Variants in RGMA observed in about 807,000 individuals in gnomAD.
RGMA encodes the protein repulsive guidance molecule BMP co-receptor a.
RGMA carries 10 observed loss-of-function variants against 23.2 expected under a neutral mutation model. The ratio of observed to expected loss-of-function variants is 0.43; its 90% CI spans 0.27 to 0.73. The LOEUF is 0.73. Ranked by LOEUF, RGMA falls within the 30% of genes least tolerant of loss-of-function variation. The pLI is 0.20. For synonymous variants in RGMA, 308 were observed against 279.3 expected (o/e 1.10, Z -1.03); for missense variants, 547 against 630.5 (o/e 0.87, Z 1.42).
At chr15:93,065,707 C>A in intron 2 of RGMA, 2 of 1,197,046 alleles carry the variant, frequency 1.7e-6, no homozygotes, top group Non-Finnish European at 2.4e-6. Context: ...GTTTCGTGGG[C>A]CCTGGGGCTC....
chr15:93,088,612 A>T, intron 1 of RGMA: 1 of 1,045,566 alleles, frequency 9.6e-7, no homozygotes, highest in Non-Finnish European at 1.2e-6. Flanking sequence ...AGCCGGGCTG[A>T]GGGAAGGAGC....
rs578098989 is a variant in RGMA at position 93,083,102 on chromosome 15, A to C, written c.14+5817T>G. 2.0e-5 allele frequency among the ~76,000 whole-genome samples: 3 copies of C among 152,360 alleles called. No homozygotes were observed. In the South Asian group the frequency reaches 6.2e-4, roughly 32 times the overall value. On this transcript the variant is annotated intron_variant, in intron 1 of 3. Transcript: ENST00000329082. ...GCCAGTATGTTCTCCACCAGGCCTGAAGTCAGGAGACCCTGCCAACAGCAT... is the reference window on the plus strand; with the variant it reads ...GCCAGTATGTTCTCCACCAGGCCTGCAGTCAGGAGACCCTGCCAACAGCAT...
At position 93,038,540 on chromosome 15, in the gene RGMA, C is replaced by G. The variant is rs546241704; in HGVS notation, c.*6458G>C. On this transcript the variant is annotated 3_prime_UTR_variant, in exon 4 of 4. Coordinates refer to ENST00000329082, the MANE Select transcript of RGMA (RefSeq NM_020211.3). ...TGGCATGCAGGAGCTGCCCCATGGA[C>G]ATTGCCTTAATGAACGAAACTGTTA... 2.7e-4 allele frequency: 39 copies of G among 142,458 alleles called. No homozygotes were observed. Among genetic ancestry groups the G allele is most frequent in the African/African-American group, 9.5e-4 (38 of 39,794 alleles). 8.8% of individuals were successfully genotyped at this position (142,458 alleles called of 1,614,324 possible).
intron 2 of RGMA, among the ~76,000 whole-genome samples, chr15:93,064,455 C>T (rs1298042533): frequency 6.6e-6 from 1 of 152,246 alleles, no homozygotes; most frequent in African/African-American, 2.4e-5. Flanking sequence ...GTCTAAATGC[C>T]TTTGAAGTGG....
At position 93,039,979 on chromosome 15, in the gene RGMA, CAG is replaced by C. The variant is rs998856940; in HGVS notation, c.*5017_*5018del. ...ATCCCAGCACTTTGGGAGGCTGAAA[CAG>C]ACGTCTCGCTTGAGCCCAGGAGTTC... On this transcript the variant is annotated 3_prime_UTR_variant, in exon 4 of 4. Coordinates refer to ENST00000329082, the MANE Select transcript of RGMA (RefSeq NM_020211.3). 1.3e-5 allele frequency: 2 copies of C among 152,242 alleles called. No homozygotes were observed. Among genetic ancestry groups the C allele is most frequent in the African/African-American group, 4.8e-5 (2 of 41,448 alleles). 9.4% of individuals were successfully genotyped at this position (152,242 alleles called of 1,614,324 possible). A position where few individuals can be genotyped will look rare whatever the true frequency, so the allele number is the denominator to read the frequency against.
chr15:93,055,002 A>G (rs1408776279), intron 2 of RGMA, among the ~76,000 whole-genome samples: 1 of 152,138 alleles, frequency 6.6e-6, no homozygotes, highest in African/African-American at 2.4e-5. Flanking sequence ...GCTACGCAGA[A>G]CAAGCGTTTG....
chr15:93,048,380 C>T (rs941438138), intron 3 of RGMA, among the ~76,000 whole-genome samples: 4 of 152,108 alleles, frequency 2.6e-5, no homozygotes, highest in African/African-American at 7.2e-5. Flanking sequence ...CAAGAAATGG[C>T]GGTCTTCTCA....
intron 2 of RGMA, among the ~76,000 whole-genome samples, chr15:93,058,332 G>A (rs1460518358): frequency 5.9e-5 from 9 of 152,234 alleles, no homozygotes; most frequent in Admixed American, 2.0e-4. Flanking sequence ...CTCCAGAGCT[G>A]TGTGACTGTG....
At chr15:93,048,559 A>G (rs1478666605) in intron 3 of RGMA, among the ~76,000 whole-genome samples, 1 of 152,082 alleles carries the variant, frequency 6.6e-6, no homozygotes, top group Non-Finnish European at 1.5e-5. Context: ...CAGGGGTCCC[A>G]GCCTGGCCGC....
intron 1 of RGMA, among the ~76,000 whole-genome samples, chr15:93,086,315 C>G (rs11074139): frequency 0.2 from 30,400 of 152,106 alleles, 4,084 homozygotes; most frequent in East Asian, 0.48. Context: ...AATTTGCCTG[C>G]GCTGCTTTCA....
In RGMA at chr15:93,041,481, T is replaced by C. The variant is rs2054723188; in HGVS notation, c.*3517A>G. ...TTTCCATGCTCGTGAGGGCAACCAG[T>C]AGTAAGTAGCATGGCACTTGGGAAA... is the stretch of plus-strand genomic sequence containing the variant. On this transcript the variant is annotated 3_prime_UTR_variant, in exon 4 of 4. Transcript: ENST00000329082. 6.6e-6 allele frequency: 1 copy of C among 152,146 alleles called. No homozygotes were observed. Among genetic ancestry groups the C allele is most frequent in the East Asian group, 1.9e-4 (1 of 5,194 alleles). The allele number at this position is 152,146 out of a possible 1,614,324, so 9.4% of individuals were successfully genotyped here.
chr15:93,056,532 C>CTT (rs1047712038), intron 2 of RGMA, among the ~76,000 whole-genome samples: 1 of 152,192 alleles, frequency 6.6e-6, no homozygotes, highest in African/African-American at 2.4e-5. Context: ...GCCTGCCACT[C>CTT]AAAGATGGTG....
intron 3 of RGMA, among the ~76,000 whole-genome samples, chr15:93,050,041 T>C (rs1384513330): frequency 6.6e-6 from 1 of 152,224 alleles, no homozygotes; most frequent in African/African-American, 2.4e-5. Flanking sequence ...ATCCGGAAAC[T>C]TGCGCTGTGC....
chr15:93,088,281 C>A, intron 1 of RGMA: 1 of 985,508 alleles, frequency 1.0e-6, no homozygotes, highest in Non-Finnish European at 1.2e-6. Context: ...GGGCTTGTAC[C>A]CTGGGTTGAG....
chr15:93,081,169 A>G (rs1407096760), intron 1 of RGMA, among the ~76,000 whole-genome samples: 2 of 151,894 alleles, frequency 1.3e-5, no homozygotes, highest in Non-Finnish European at 2.9e-5. Flanking sequence ...CAGCTTCTCA[A>G]TCTGCAGAAT....
chr15:93,076,904 T>C (rs1895481503), intron 1 of RGMA, among the ~76,000 whole-genome samples: 1 of 152,186 alleles, frequency 6.6e-6, no homozygotes, highest in South Asian at 2.1e-4. Flanking sequence ...TAACAATCAC[T>C]TTCAATAAAG....
chr15:93,078,673 A>T (rs1261100360), intron 1 of RGMA, among the ~76,000 whole-genome samples: 1 of 152,206 alleles, frequency 6.6e-6, no homozygotes, highest in Non-Finnish European at 1.5e-5. Flanking sequence ...TCTTGCGAAG[A>T]ACTTCAGGTG....
At chr15:93,078,516 G>A (rs1175200677) in intron 1 of RGMA, among the ~76,000 whole-genome samples, 6 of 152,156 alleles carry the variant, frequency 3.9e-5, no homozygotes, top group African/African-American at 1.2e-4. Context: ...TTTAAGGGCC[G>A]TCCTGGGGTC....
rs148687375 is a variant in RGMA, at chr15:93,060,123, G to C, written c.131-7616C>G. On this transcript the variant is annotated intron_variant, in intron 2 of 3. Coordinates refer to ENST00000329082, the MANE Select transcript of RGMA (RefSeq NM_020211.3). ...GGATCCAGGACAGCCAATACACACA[G>C]AACCAGGGGACTGAAAAACCTAAGA... Among the ~76,000 whole-genome samples, 448 of 152,298 alleles carry C rather than the reference G, an allele frequency of 2.9e-3. 3 individuals carry two copies. Among genetic ancestry groups the C allele is most frequent in the African/African-American group, 9.1e-3 (380 of 41,560 alleles).
Sources: gnomAD v4.1 joint callset for allele counts (sites outside exome capture counted in the v4.1 genomes callset) on GRCh38, gnomAD v4.1.1 for gene constraint, MANE v1.5 for transcripts, NCBI Gene and HGNC (gene_info 2026-07-23, HGNC 2026-07-21) for gene names.